The following IL17RA variants were observed in gnomAD, a reference collection of about 807,000 sequenced individuals.
IL17RA encodes interleukin-17 receptor A.
Under a neutral mutation model 50.4 loss-of-function variants are expected in IL17RA, and 34 were observed. That is an observed-to-expected ratio of 0.67 (90% CI 0.51 to 0.90). IL17RA has a LOEUF of 0.90. IL17RA is among the 40% of genes least tolerant of loss of function. IL17RA has a pLI of 0.00. For missense variants in IL17RA, 1,276 were observed against 1,169.8 expected (o/e 1.09, Z -1.32); for synonymous variants, 585 against 510.4 (o/e 1.15, Z -1.97).
chr22:17,106,636 C>T (rs2061415970), intron 11 of IL17RA, among the ~76,000 whole-genome samples: 1 of 152,204 alleles, frequency 6.6e-6, no homozygotes, highest in South Asian at 2.1e-4. Flanking sequence ...TCAGCCCTTG[C>T]CTGCCCCACC....
At position 17,085,136 on chromosome 22, in the gene IL17RA, G is replaced by C; in HGVS notation, c.45G>C (p.Leu15=). The C allele has an allele frequency of 6.7e-7, 1 of 1,494,192 alleles. No homozygotes were observed. The highest frequency in any genetic ancestry group is 2.1e-5 in the Admixed American group (1 of 46,954). The allele number at this position is 1,494,192 out of a possible 1,614,324, so 92.6% of individuals were successfully genotyped here. ...RSPPSAVPGP[L]LGLLLLLLGV... is the part of the protein sequence containing the mutation. ...CGCCGTCCGCTGTCCCGGGGCCCCT[G>C]CTGGGGCTGCTCCTGCTGCTCCTGG... is the stretch of plus-strand genomic sequence containing the variant. The change falls in exon 1 of 13, where the codon CTG becomes CTC. Residue 15 remains leucine (L), a synonymous_variant. Coordinates refer to ENST00000319363, the MANE Select transcript of IL17RA (RefSeq NM_014339.7).
intron 1 of IL17RA, among the ~76,000 whole-genome samples, chr22:17,086,376 A>G (rs1450364567): frequency 6.6e-6 from 1 of 152,096 alleles, no homozygotes; most frequent in African/African-American, 2.4e-5. Flanking sequence ...GTCGCAGAAA[A>G]AAAAAAAAAG....
chr22:17,088,435 C>T (rs200185341), intron 1 of IL17RA, among the ~76,000 whole-genome samples: 1 of 152,030 alleles, frequency 6.6e-6, no homozygotes, highest in East Asian at 1.9e-4. Context: ...TCTTGTGCCT[C>T]AGCCTCCCGA....
chr22:17,108,319 C>T lies in IL17RA; in HGVS notation c.1100C>T (p.Ala367Val), dbSNP rs879577. 0.25 allele frequency: 398,453 copies of T among 1,613,456 alleles called. 51,785 individuals are homozygous for T. Among genetic ancestry groups the T allele is most frequent in the African/African-American group, 0.43 (32,427 of 74,904 alleles). Reference sequence around the variant, plus strand: ...CTTGTTTCCTTAGATGGCCTGCCTGCGGCTGACCTGATCCCCCCACCGCTG... The same window carrying T: ...CTTGTTTCCTTAGATGGCCTGCCTGTGGCTGACCTGATCCCCCCACCGCTG... ...DDTKYTDGLP[A>V]ADLIPPPLKP... is the part of the protein sequence containing the mutation. The change falls in exon 13 of 13, where the codon GCG becomes GTG. Residue 367 changes from alanine to valine, a missense_variant. Coordinates refer to ENST00000319363, the MANE Select transcript of IL17RA (RefSeq NM_014339.7).
At chr22:17,103,677 C>A (rs1335479641) in intron 8 of IL17RA, 100 bp downstream of exon 8, 3 of 925,352 alleles carry the variant, frequency 3.2e-6, no homozygotes, top group Admixed American at 2.1e-5. Context: ...GTGGTGTGGA[C>A]GGGAGTGGGG....
At chr22:17,088,061 T>A (rs994833324) in intron 1 of IL17RA, among the ~76,000 whole-genome samples, 3 of 152,204 alleles carry the variant, frequency 2.0e-5, no homozygotes, top group African/African-American at 4.8e-5. Context: ...CATCCCATAC[T>A]CAACGACAGC....
intron 10 of IL17RA, 46 bp from the exon 11 acceptor site, chr22:17,105,807 C>A: frequency 6.5e-7 from 1 of 1,537,006 alleles, no homozygotes; most frequent in South Asian, 1.1e-5. Flanking sequence ...TCAGGGTGGG[C>A]AGGGCAGGCC....
intron 9 of IL17RA, 138 bp from the exon 10 acceptor site, chr22:17,105,453 T>G (rs1393661182): frequency 2.3e-6 from 2 of 869,248 alleles, no homozygotes; most frequent in Middle Eastern, 2.2e-4. Flanking sequence ...ATGGTTTCAT[T>G]AAGTTCAACC....
Position 17,113,829 on chromosome 22 carries a change from G to A in IL17RA, c.*4009G>A, listed in dbSNP as rs931079546. The A allele has an allele frequency of 6.6e-6, 1 of 152,294 alleles. No individual in the cohort carries two copies. Among genetic ancestry groups the A allele is most frequent in the Non-Finnish European group, 1.5e-5 (1 of 68,114 alleles). 9.4% of individuals were successfully genotyped at this position (152,294 alleles called of 1,614,324 possible). On this transcript the variant is annotated 3_prime_UTR_variant, in exon 13 of 13. Coordinates refer to ENST00000319363, the MANE Select transcript of IL17RA (RefSeq NM_014339.7). Reference sequence around the variant, plus strand: ...GCTGGCCAGCTGCTCGTCCGCCCTAGGTAGCTTGCTCATCTGTAAAGTGGG... The same window carrying A: ...GCTGGCCAGCTGCTCGTCCGCCCTAAGTAGCTTGCTCATCTGTAAAGTGGG...
rs529068292 is a variant in IL17RA at position 17,097,694 on chromosome 22, C to T, written c.164-103C>T. On this transcript the variant is annotated intron_variant, in intron 2 of 12. Coordinates refer to ENST00000319363, the MANE Select transcript of IL17RA (RefSeq NM_014339.7). ...CCAAGGGCCACAGGCTGGAAGGCCG[C>T]GGGCCCCTGAGCTGTTTGCTGTCTA... 3.7e-5 allele frequency: 53 copies of T among 1,431,864 alleles called. No homozygotes were observed. The East Asian group carries it at 7.1e-4, about 19-fold the overall frequency. The allele number at this position is 1,431,864 out of a possible 1,614,324, so 88.7% of individuals were successfully genotyped here.
Position 17,089,830 on chromosome 22 carries a change from G to A in IL17RA, c.138+4601G>A, listed in dbSNP as rs184825525. 2.5e-3 allele frequency among the ~76,000 whole-genome samples: 374 copies of A among 151,916 alleles called. 4 individuals are homozygous for A. Among genetic ancestry groups the A allele is most frequent in the African/African-American group, 8.7e-3 (360 of 41,306 alleles). The stretch of plus-strand genomic sequence containing the variant: ...CAACACTGCACTGAGCCCTGAGCAT[G>A]CTGCTGCATGACAGAGTGAGACCCT... On this transcript the variant is annotated intron_variant, in intron 1 of 12. Coordinates refer to ENST00000319363, the MANE Select transcript of IL17RA (RefSeq NM_014339.7).
At chr22:17,099,383 TGTTTAA>T (rs2061381599) in intron 4 of IL17RA, among the ~76,000 whole-genome samples, 1 of 152,114 alleles carries the variant, frequency 6.6e-6, no homozygotes, top group Admixed American at 6.5e-5. Flanking sequence ...TGTTGATTCT[TGTTTAA>T]GTTTGTTTAA....
Position 17,112,770 on chromosome 22 carries a change from C to A in IL17RA, c.*2950C>A, listed in dbSNP as rs1463486991. The A allele has an allele frequency of 3.9e-5, 6 of 152,188 alleles. No individual in the cohort carries two copies. The highest frequency in any genetic ancestry group is 2.9e-5 in the Non-Finnish European group (2 of 68,032). 9.4% of individuals were successfully genotyped at this position (152,188 alleles called of 1,614,324 possible). A position where few individuals can be genotyped will look rare whatever the true frequency, so the allele number is the denominator to read the frequency against. ...GAACCATGGCTAATAAATTGTTTCACCAAGAAATGTCTCTCTAAGAACAGG... is the reference window on the plus strand; with the variant it reads ...GAACCATGGCTAATAAATTGTTTCAACAAGAAATGTCTCTCTAAGAACAGG... On this transcript the variant is annotated 3_prime_UTR_variant, in exon 13 of 13. Coordinates refer to ENST00000319363, the MANE Select transcript of IL17RA (RefSeq NM_014339.7).
chr22:17,104,710 C>A lies in IL17RA; in HGVS notation c.847-16C>A. On this transcript the variant is annotated splice_polypyrimidine_tract_variant and intron_variant, in intron 8 of 12. Coordinates refer to ENST00000319363, the MANE Select transcript of IL17RA (RefSeq NM_014339.7). The stretch of plus-strand genomic sequence containing the variant: ...CTACAGTTCTGGAGCCCTTTTCCTG[C>A]CCTCTCTGCCCGCAGATCCAGCCCT... 6.2e-7 allele frequency: 1 copy of A among 1,613,216 alleles called. No homozygotes were observed.
chr22:17,098,963 C>G, intron 4 of IL17RA, 76 bp downstream of exon 4: 2 of 1,241,458 alleles, frequency 1.6e-6, no homozygotes, highest in East Asian at 2.3e-5. Context: ...AAATTCAGAC[C>G]CTGATTTAGA....
chr22:17,098,937 C>A, intron 4 of IL17RA, 50 bp downstream of exon 4: 1 of 1,442,124 alleles, frequency 6.9e-7, no homozygotes, highest in Non-Finnish European at 9.8e-7. Context: ...GACACCAGTA[C>A]AGACTTCTTG....
At chr22:17,085,363 T>C in intron 1 of IL17RA, 134 bp downstream of exon 1, 4 of 1,422,708 alleles carry the variant, frequency 2.8e-6, no homozygotes, top group Non-Finnish European at 2.8e-6. Flanking sequence ...TTAGAGGGGC[T>C]CAGAGCCTTG....
At chr22:17,103,428 C>T (rs1355772109) in intron 7 of IL17RA, 66 bp from the exon 8 acceptor site, 23 of 1,292,476 alleles carry the variant, frequency 1.8e-5, no homozygotes, top group Non-Finnish European at 2.3e-5. Flanking sequence ...AGTGCCACAG[C>T]GTGTTCTTAC....
At chr22:17,096,977 G>T (rs1055818564) in intron 1 of IL17RA, 85 bp from the exon 2 acceptor site, 119 of 1,242,114 alleles carry the variant, frequency 9.6e-5, no homozygotes, top group Non-Finnish European at 1.3e-4. Context: ...GCATTCCTGA[G>T]AATGAGCCAG....
Sources: gnomAD v4.1 joint callset for allele counts (sites outside exome capture counted in the v4.1 genomes callset) on GRCh38, gnomAD v4.1.1 for gene constraint, MANE v1.5 for transcripts, NCBI Gene and HGNC (gene_info 2026-07-23, HGNC 2026-07-21) for gene names.